The following C1GALT1 variants were observed in gnomAD, a reference collection of about 807,000 sequenced individuals.
The protein encoded by C1GALT1 is glycoprotein-N-acetylgalactosamine 3-beta-galactosyltransferase 1.
A neutral mutation model predicts 31.0 loss-of-function variants in C1GALT1; 11 were observed. The ratio of observed to expected loss-of-function variants is 0.36; its 90% CI spans 0.22 to 0.59. C1GALT1 has a LOEUF of 0.59. Among genes scored for constraint, C1GALT1 ranks in the 20% least tolerant of loss-of-function variants. C1GALT1 has a pLI of 0.79. For missense variants in C1GALT1, 424 were observed against 425.2 expected (o/e 1.00, Z 0.03); for synonymous variants, 175 against 143.6 (o/e 1.22, Z -1.56).
intron 1 of C1GALT1, among the ~76,000 whole-genome samples, chr7:7,220,803 C>T (rs1483310143): frequency 2.6e-5 from 4 of 152,146 alleles, no homozygotes; most frequent in African/African-American, 9.7e-5. Context: ...TACAGGTGCG[C>T]CCAGCCCAAA....
chr7:7,169,744 T>G (rs1279438808), intron 2 of C1GALT1, among the ~76,000 whole-genome samples: 11 of 152,202 alleles, frequency 7.2e-5, no homozygotes, highest in Admixed American at 6.5e-5. Context: ...TTAAGTATGT[T>G]GTTGGATTCA....
chr7:7,203,662 T>C (rs982446129), intron 1 of C1GALT1, among the ~76,000 whole-genome samples: 1 of 152,138 alleles, frequency 6.6e-6, no homozygotes, highest in Non-Finnish European at 1.5e-5. Flanking sequence ...AGTTTTTTTT[T>C]TCTCTTTTTA....
chr7:7,175,516 T>G (rs1342079256), intron 2 of C1GALT1, among the ~76,000 whole-genome samples: 1 of 152,252 alleles, frequency 6.6e-6, no homozygotes, highest in Non-Finnish European at 1.5e-5. Context: ...AGATTTTGCC[T>G]TAGGCAGTCT....
chr7:7,220,146 T>C (rs558688802), intron 1 of C1GALT1, among the ~76,000 whole-genome samples: 5 of 152,192 alleles, frequency 3.3e-5, no homozygotes, highest in Non-Finnish European at 7.3e-5. Flanking sequence ...TCTTGTCTTT[T>C]GAGTTTTTTG....
chr7:7,164,949 T>C (rs1780376173), intron 2 of C1GALT1, among the ~76,000 whole-genome samples: 1 of 152,162 alleles, frequency 6.6e-6, no homozygotes, highest in Admixed American at 6.6e-5. Context: ...TTTTGTATTA[T>C]TTAAGATGTG....
At chr7:7,177,783 G>T (rs1233883019), upstream of C1GALT1, among the ~76,000 whole-genome samples, 1 of 152,128 alleles carries the variant, frequency 6.6e-6, no homozygotes, top group Non-Finnish European at 1.5e-5. Flanking sequence ...TTAAACATCA[G>T]GTAGACCTCA....
chr7:7,208,402 A>G (rs1354361516), intron 1 of C1GALT1, among the ~76,000 whole-genome samples: 2 of 152,172 alleles, frequency 1.3e-5, no homozygotes, highest in East Asian at 1.9e-4. Context: ...GTTCAGTACT[A>G]TCTGCGGTTT....
chr7:7,215,504 T>G (rs1782196586), intron 1 of C1GALT1, among the ~76,000 whole-genome samples: 1 of 152,178 alleles, frequency 6.6e-6, no homozygotes, highest in East Asian at 1.9e-4. Context: ...CCAAGCATTT[T>G]AAGGTTTGGA....
intron 1 of C1GALT1, among the ~76,000 whole-genome samples, chr7:7,201,861 C>G (rs1434400814): frequency 6.6e-6 from 1 of 152,208 alleles, no homozygotes; most frequent in Non-Finnish European, 1.5e-5. Flanking sequence ...CCGATTCTGT[C>G]CAGGAAACTT....
chr7:7,164,127 C>G (rs1340111836), intron 2 of C1GALT1, among the ~76,000 whole-genome samples: 1 of 152,056 alleles, frequency 6.6e-6, no homozygotes, highest in Non-Finnish European at 1.5e-5. Context: ...AGATATAGAT[C>G]AATGGAACAG....
intron 1 of C1GALT1, among the ~76,000 whole-genome samples, chr7:7,196,617 T>G (rs1044176255): frequency 5.3e-5 from 8 of 152,236 alleles, no homozygotes; most frequent in Admixed American, 2.6e-4. Flanking sequence ...TTTCTAGTTC[T>G]AGATCCTTGA....
chr7:7,177,079 C>G (rs1467994288), intron 2 of C1GALT1, among the ~76,000 whole-genome samples: 1 of 152,100 alleles, frequency 6.6e-6, no homozygotes, highest in East Asian at 1.9e-4. Flanking sequence ...TCTAATTAGG[C>G]CAGTAGTTTC....
intron 1 of C1GALT1, among the ~76,000 whole-genome samples, chr7:7,191,295 C>A (rs1375592816): frequency 6.6e-6 from 1 of 152,084 alleles, no homozygotes; most frequent in Non-Finnish European, 1.5e-5. Flanking sequence ...AAGATTCATT[C>A]ATTTTGTAGC....
upstream of C1GALT1, among the ~76,000 whole-genome samples, chr7:7,181,342 A>G (rs1382283175): frequency 6.6e-6 from 1 of 151,800 alleles, no homozygotes; most frequent in Non-Finnish European, 1.5e-5. Flanking sequence ...CATGTAAGGC[A>G]GAGAAGTCTG....
At chr7:7,166,633 T>C (rs1229030903) in intron 2 of C1GALT1, among the ~76,000 whole-genome samples, 1 of 152,194 alleles carries the variant, frequency 6.6e-6, no homozygotes, top group Non-Finnish European at 1.5e-5. Context: ...ACTTATTGAA[T>C]GTCAATTATA....
intron 1 of C1GALT1, among the ~76,000 whole-genome samples, chr7:7,190,645 G>C (rs1049107372): frequency 1.3e-5 from 2 of 151,836 alleles, no homozygotes; most frequent in East Asian, 1.9e-4. Context: ...CCCTTCCCCA[G>C]TTCCCCTTTC....
At chr7:7,233,287 A>G (rs751128761) in intron 1 of C1GALT1, among the ~76,000 whole-genome samples, 16 of 151,632 alleles carry the variant, frequency 1.1e-4, no homozygotes, top group Non-Finnish European at 1.8e-4. Flanking sequence ...TTTTTCTGAG[A>G]TAGTTTCACT....
intron 1 of C1GALT1, among the ~76,000 whole-genome samples, chr7:7,210,900 A>T (rs769177895): frequency 3.1e-4 from 47 of 152,302 alleles, no homozygotes; most frequent in Non-Finnish European, 5.9e-4. Context: ...TTAAAAAATG[A>T]AAACTTTCCA....
In C1GALT1 at chr7:7,238,192, A is replaced by G. The variant is rs1468614242; in HGVS notation, c.221-63A>G. 2 of 1,393,170 alleles carry G rather than the reference A, an allele frequency of 1.4e-6. No individual in the cohort carries two copies. Among genetic ancestry groups the G allele is most frequent in the Non-Finnish European group, 1.9e-6 (2 of 1,029,946 alleles). The allele number at this position is 1,393,170 out of a possible 1,614,324, so 86.3% of individuals were successfully genotyped here. A position where few individuals can be genotyped will look rare whatever the true frequency, so the allele number is the denominator to read the frequency against. On this transcript the variant is annotated intron_variant, in intron 2 of 3. Coordinates refer to ENST00000436587, the MANE Select transcript of C1GALT1 (RefSeq NM_020156.5). The surrounding 1 kb of genome is among the most constrained non-coding windows in gnomAD (Gnocchi z 5.2). ...ATTAGGACAGTGCTTTCTTCAGTATAATTTATTAATATTTGGATTTTACAT... is the reference window on the plus strand; with the variant it reads ...ATTAGGACAGTGCTTTCTTCAGTATGATTTATTAATATTTGGATTTTACAT...
Sources: gnomAD v4.1 joint callset for allele counts (sites outside exome capture counted in the v4.1 genomes callset) on GRCh38, gnomAD v4.1.1 for gene constraint, Gnocchi (gnomAD v3.1) non-coding constraint, MANE v1.5 for transcripts, NCBI Gene and HGNC (gene_info 2026-07-23, HGNC 2026-07-21) for gene names.